Variants in COX5A observed in about 807,000 individuals in gnomAD.
COX5A encodes cytochrome c oxidase subunit 5A, mitochondrial.
COX5A carries 6 observed loss-of-function variants against 16.1 expected under a neutral mutation model. That is an observed-to-expected ratio of 0.37 (90% CI 0.20 to 0.73). COX5A has a LOEUF of 0.73. Ranked by LOEUF, COX5A falls within the 30% of genes least tolerant of loss-of-function variation. The probability of loss-of-function intolerance (pLI) is 0.50; values close to 1 mark genes in which losing one functional copy is unlikely to be tolerated. For missense variants in COX5A, 159 were observed against 194.9 expected (o/e 0.82, Z 1.10); for synonymous variants, 73 against 73.8 (o/e 0.99, Z 0.06).
intron 3 of COX5A, among the ~76,000 whole-genome samples, chr15:74,926,420 C>T (rs976597259): frequency 1.3e-5 from 2 of 151,590 alleles, no homozygotes; most frequent in African/African-American, 4.9e-5. Context: ...GCATGATCCA[C>T]CCGCCTTAGC....
At chr15:74,931,442 G>A (rs2141273614) in intron 1 of COX5A, among the ~76,000 whole-genome samples, 1 of 151,984 alleles carries the variant, frequency 6.6e-6, no homozygotes, top group Admixed American at 6.6e-5. Context: ...CGGAGGTTGA[G>A]GTGAGGTGAG....
intron 1 of COX5A, among the ~76,000 whole-genome samples, chr15:74,937,015 T>G (rs2065393937): frequency 6.6e-6 from 1 of 152,148 alleles, no homozygotes; most frequent in South Asian, 2.1e-4. Context: ...TAGTTGCCAG[T>G]GATGCAGGTT....
In COX5A at chr15:74,935,163, C is replaced by T. The variant is rs148908146; in HGVS notation, c.100+2752G>A. 1.4e-3 allele frequency among the ~76,000 whole-genome samples: 213 copies of T among 152,260 alleles called. 1 individual carries two copies. In the Middle Eastern group the frequency reaches 0.017, roughly 12 times the overall value. ...GAGTTACTGAGGCTGGGTGCAGTGG[C>T]TCTCGCTTGTAATCCCAGCACTTTG... On this transcript the variant is annotated intron_variant, in intron 1 of 4. Transcript: ENST00000322347.
rs201693225 is a variant in COX5A at position 74,929,116 on chromosome 15, C to A, written c.217G>T (p.Gly73Trp). 4.4e-6 allele frequency: 7 copies of A among 1,597,094 alleles called. No homozygotes were observed. The highest frequency in any genetic ancestry group is 1.7e-6 in the Non-Finnish European group (2 of 1,164,586). The change falls in exon 2 of 5, where the codon GGG becomes TGG. Residue 73 changes from glycine to tryptophan, a missense_variant and splice_region_variant. Physicochemically the swap from Gly to Trp is radical, Grantham distance 184. Transcript: ENST00000322347. The stretch of plus-strand genomic sequence containing the variant: ...ACAAATATGTTTATGTTCCAATTAC[C>A]TTTACGCAATTCCCAGGCATCTATA... ...PDIDAWELRK[G>W]INTLVTYDMV...
chr15:74,923,710 A>C lies in COX5A; in HGVS notation c.400T>G (p.Leu134Val), dbSNP rs370661618. Residue 134 changes from leucine to valine, a missense_variant, in exon 4 of 5, where the codon TTA (leucine) becomes GTA (valine). Transcript: ENST00000322347. ...GGAGTGGAGATTCCCAGTTCATTTAAAGTTGGTCTAAGTTCCTGGATGACA... is the reference window on the plus strand; with the variant it reads ...GGAGTGGAGATTCCCAGTTCATTTACAGTTGGTCTAAGTTCCTGGATGACA... ...PYVIQELRPT[L>V]NELGISTPEE... 8.7e-6 allele frequency: 14 copies of C among 1,611,778 alleles called. No homozygotes were observed. Among genetic ancestry groups the C allele is most frequent in the Non-Finnish European group, 1.1e-5 (13 of 1,179,764 alleles).
chr15:74,923,701 G>C lies in COX5A; in HGVS notation c.409C>G (p.Leu137Val). ...IQELRPTLNE[L>V]GISTPEELGL... Reference sequence around the variant, plus strand: ...AGTTCCTCCGGAGTGGAGATTCCCAGTTCATTTAAAGTTGGTCTAAGTTCC... The same window carrying C: ...AGTTCCTCCGGAGTGGAGATTCCCACTTCATTTAAAGTTGGTCTAAGTTCC... The change falls in exon 4 of 5, where the codon CTG becomes GTG. Residue 137 changes from leucine (L) to valine (V), a missense_variant. Transcript: ENST00000322347. 1 of 1,611,842 alleles carries C rather than the reference G, an allele frequency of 6.2e-7. No homozygotes were observed. The highest frequency in any genetic ancestry group is 8.5e-7 in the Non-Finnish European group (1 of 1,179,710).
chr15:74,926,032 AT>A (rs755631696), intron 3 of COX5A, among the ~76,000 whole-genome samples: 289 of 107,648 alleles, frequency 2.7e-3, no homozygotes, highest in African/African-American at 6.7e-3. Context: ...TGCCCAGCTA[AT>A]TTTTTTTTTT....
intron 3 of COX5A, among the ~76,000 whole-genome samples, chr15:74,926,321 T>C (rs1252444269): frequency 6.6e-6 from 1 of 151,826 alleles, no homozygotes; most frequent in East Asian, 1.9e-4. Flanking sequence ...ATTACAGGCG[T>C]GAGCCACCGC....
chr15:74,930,861 CA>C (rs2065363824), intron 1 of COX5A, among the ~76,000 whole-genome samples: 1 of 149,784 alleles, frequency 6.7e-6, no homozygotes, highest in African/African-American at 2.4e-5. Context: ...ACTAAAAATA[CA>C]AAAAATTAGC....
intron 4 of COX5A, among the ~76,000 whole-genome samples, chr15:74,922,079 T>G (rs538309187): frequency 6.6e-6 from 1 of 152,228 alleles, no homozygotes; most frequent in African/African-American, 2.4e-5. Context: ...ACCACTCCGT[T>G]AAAGCAAGCT....
intron 1 of COX5A, among the ~76,000 whole-genome samples, chr15:74,936,250 G>A (rs2065389520): frequency 6.7e-6 from 1 of 149,426 alleles, no homozygotes; most frequent in South Asian, 2.1e-4. Flanking sequence ...TGGGCAACAA[G>A]AACGAAACTC....
intron 1 of COX5A, among the ~76,000 whole-genome samples, chr15:74,934,480 G>C (rs945224874): frequency 1.3e-5 from 2 of 152,060 alleles, no homozygotes; most frequent in East Asian, 1.9e-4. Context: ...ACAGGCACTC[G>C]CCACCACGCC....
intron 1 of COX5A, among the ~76,000 whole-genome samples, 199 bp from the exon 2 acceptor site, chr15:74,929,431 T>C (rs2065357019): frequency 6.6e-6 from 1 of 152,220 alleles, no homozygotes; most frequent in South Asian, 2.1e-4. Context: ...ACAAAAAGTA[T>C]TACATAGGCA....
chr15:74,928,453 C>G (rs1419375592), intron 2 of COX5A, among the ~76,000 whole-genome samples: 1 of 151,898 alleles, frequency 6.6e-6, no homozygotes. Flanking sequence ...GGCGCGATCT[C>G]GGCTCACTGC....
intron 3 of COX5A, among the ~76,000 whole-genome samples, chr15:74,924,071 T>C (rs1181777954): frequency 6.6e-6 from 1 of 151,802 alleles, no homozygotes; most frequent in Non-Finnish European, 1.5e-5. Context: ...TCTCAGCTAC[T>C]CGGGAGGCTG....
At chr15:74,932,566 T>C (rs2065372162) in intron 1 of COX5A, among the ~76,000 whole-genome samples, 1 of 152,146 alleles carries the variant, frequency 6.6e-6, no homozygotes, top group African/African-American at 2.4e-5. Context: ...ATGCAGTAAC[T>C]GGCAGGAGGA....
chr15:74,929,020 C>T, intron 2 of COX5A, 96 bp downstream of exon 2: 1 of 872,176 alleles, frequency 1.1e-6, no homozygotes, highest in African/African-American at 1.7e-5. Flanking sequence ...CCAGTTTAAA[C>T]AACGCATGTT....
chr15:74,931,394 G>T (rs902004074), intron 1 of COX5A, among the ~76,000 whole-genome samples: 1 of 151,910 alleles, frequency 6.6e-6, no homozygotes, highest in Non-Finnish European at 1.5e-5. Context: ...TCAGCTACGC[G>T]AGAGACTGAG....
chr15:74,931,862 T>A (rs79837806), intron 1 of COX5A, among the ~76,000 whole-genome samples: 1 of 152,178 alleles, frequency 6.6e-6, no homozygotes. Flanking sequence ...CCCCATTTTT[T>A]CTTTCTTCTT....
Sources: gnomAD v4.1 joint callset for allele counts (sites outside exome capture counted in the v4.1 genomes callset) on GRCh38, gnomAD v4.1.1 for gene constraint, MANE v1.5 for transcripts, NCBI Gene and HGNC (gene_info 2026-07-23, HGNC 2026-07-21) for gene names.